GLIS1: variants seen among roughly 807,000 people sequenced by gnomAD.
The protein encoded by GLIS1 is GLIS family zinc finger 1, also known as zinc finger protein GLIS1.
GLIS1 carries 24 observed loss-of-function variants against 63.8 expected under a neutral mutation model. The ratio of observed to expected loss-of-function variants is 0.38; its 90% CI spans 0.27 to 0.53. The LOEUF (loss-of-function observed/expected upper bound fraction) is 0.53, where lower values mean the gene tolerates loss of function less well. Among genes scored for constraint, GLIS1 ranks in the 20% least tolerant of loss-of-function variants. The pLI, the probability that GLIS1 is intolerant of heterozygous loss-of-function variation, is 0.85. For missense variants in GLIS1, 1,036 were observed against 1,074.1 expected, an observed-to-expected ratio of 0.96 and a Z score of 0.50; for synonymous variants, 450 against 482.5, an observed-to-expected ratio of 0.93 and a Z score of 0.88.
chr1:53,724,925 G>A (rs1570107319), intron 2 of GLIS1, among the ~76,000 whole-genome samples: 1 of 152,176 alleles, frequency 6.6e-6, no homozygotes, highest in African/African-American at 2.4e-5. Flanking sequence ...AGGAGAAAGA[G>A]GAATAGGAGG....
chr1:53,520,536 C>T (rs1468131481), intron 7 of GLIS1, 98 bp downstream of exon 7: 1 of 1,349,242 alleles, frequency 7.4e-7, no homozygotes, highest in Non-Finnish European at 9.7e-7. Flanking sequence ...ATGTCATGCC[C>T]ATGTGGGCGG....
chr1:53,683,025 G>A (rs115705525), intron 2 of GLIS1, among the ~76,000 whole-genome samples: 1 of 152,192 alleles, frequency 6.6e-6, no homozygotes, highest in African/African-American at 2.4e-5. Flanking sequence ...GTGAGCAAAG[G>A]CTGCAGCAAA....
intron 7 of GLIS1, among the ~76,000 whole-genome samples, chr1:53,515,850 C>T (rs1178226714): frequency 6.7e-6 from 1 of 150,224 alleles, no homozygotes; most frequent in Non-Finnish European, 1.5e-5. Context: ...AAAGAATGCA[C>T]CTGACCCCTG....
chr1:53,735,319 C>A (rs1323651670), intron 2 of GLIS1, among the ~76,000 whole-genome samples: 1 of 152,228 alleles, frequency 6.6e-6, no homozygotes, highest in Non-Finnish European at 1.5e-5. Flanking sequence ...CTTGCATGGG[C>A]CCTGCACGAA....
rs527662620 is a variant in GLIS1 at position 53,633,937 on chromosome 1, C to A, written c.260-33659G>T. ...ACGAATCCACCAGTGAACAGAGAATCATGGCGGCTTCAGCCAAGAGTGGGT... is the reference window on the plus strand; with the variant it reads ...ACGAATCCACCAGTGAACAGAGAATAATGGCGGCTTCAGCCAAGAGTGGGT... On this transcript the variant is annotated intron_variant, in intron 2 of 10. Coordinates refer to ENST00000628545, the MANE Select transcript of GLIS1 (RefSeq NM_001367484.1). Among the ~76,000 whole-genome samples the A allele has an allele frequency of 2.0e-5, 3 of 152,290 alleles. No homozygotes were observed. The South Asian group carries it at 6.2e-4, about 32-fold the overall frequency.
intron 2 of GLIS1, among the ~76,000 whole-genome samples, chr1:53,678,242 G>A (rs1480402363): frequency 6.6e-6 from 1 of 151,102 alleles, no homozygotes; most frequent in African/African-American, 2.4e-5. Context: ...GCTCGCCGCA[G>A]ATGCCCAGAG....
At chr1:53,546,220 T>C (rs1374571793) in intron 4 of GLIS1, among the ~76,000 whole-genome samples, 2 of 152,134 alleles carry the variant, frequency 1.3e-5, no homozygotes, top group African/African-American at 4.8e-5. Flanking sequence ...TAGATACTGG[T>C]GACAGGCAGA....
chr1:53,551,309 CA>C (rs1374591507), intron 4 of GLIS1, among the ~76,000 whole-genome samples: 1 of 152,216 alleles, frequency 6.6e-6, no homozygotes, highest in Non-Finnish European at 1.5e-5. Flanking sequence ...CACATTTATA[CA>C]AAGAAATTTA....
At chr1:53,662,184 C>T (rs187768787) in intron 2 of GLIS1, among the ~76,000 whole-genome samples, 3 of 152,330 alleles carry the variant, frequency 2.0e-5, no homozygotes, top group Non-Finnish European at 2.9e-5. Context: ...GGGCCTCAGA[C>T]GTTCATCTGT....
At chr1:53,724,712 G>A (rs1466733316) in intron 2 of GLIS1, among the ~76,000 whole-genome samples, 1 of 152,088 alleles carries the variant, frequency 6.6e-6, no homozygotes, top group Non-Finnish European at 1.5e-5. Flanking sequence ...TAAAGACAGA[G>A]TATCACTATG....
intron 2 of GLIS1, among the ~76,000 whole-genome samples, chr1:53,710,367 T>C (rs780490268): frequency 6.6e-6 from 1 of 152,234 alleles, no homozygotes; most frequent in Non-Finnish European, 1.5e-5. Flanking sequence ...TGGTCAGACG[T>C]GTCACATCCT....
chr1:53,620,840 G>A (rs1401756776), intron 2 of GLIS1, among the ~76,000 whole-genome samples: 2 of 152,310 alleles, frequency 1.3e-5, no homozygotes, highest in Non-Finnish European at 2.9e-5. Flanking sequence ...TCCACTAAGC[G>A]ACCTTCAGCA....
chr1:53,599,696 C>T (rs1257409243), intron 3 of GLIS1, among the ~76,000 whole-genome samples: 1 of 152,236 alleles, frequency 6.6e-6, no homozygotes, highest in Non-Finnish European at 1.5e-5. Flanking sequence ...GACAGCTACC[C>T]AGCAGGGCTC....
At chr1:53,509,394 C>G in intron 9 of GLIS1, 107 bp from the exon 10 acceptor site, 3 of 1,213,698 alleles carry the variant, frequency 2.5e-6, no homozygotes, top group Non-Finnish European at 3.4e-6. Flanking sequence ...CCTGTCCAGG[C>G]ATTGTGGGTG....
Position 53,737,990 on chromosome 1 carries a change from G to A in GLIS1, c.75C>T (p.Arg25=), listed in dbSNP as rs1646929451. 6 of 1,230,450 alleles carry A rather than the reference G, an allele frequency of 4.9e-6. No individual in the cohort carries two copies. The highest frequency in any genetic ancestry group is 4.2e-5 in the Admixed American group (1 of 23,656). 76.2% of individuals were successfully genotyped at this position (1,230,450 alleles called of 1,614,324 possible). A position where few individuals can be genotyped will look rare whatever the true frequency, so the allele number is the denominator to read the frequency against. The change falls in exon 2 of 11, where the codon CGC becomes CGT. Residue 25 remains arginine, a synonymous_variant. Transcript: ENST00000628545. ...KEAPGAPGPD[R]GPASLGAHMA... ...TGTGCGCGCCGAGGCTGGCGGGGCC[G>A]CGGTCGGGGCCGGGCGCACCAGGGG...
Position 53,594,323 on chromosome 1 carries a change from G to T in GLIS1, c.1105C>A (p.Arg369=), listed in dbSNP as rs193201988. The change falls in exon 4 of 11, where the codon CGG becomes AGG. Residue 369 remains arginine (R), a synonymous_variant. Coordinates refer to ENST00000628545, the MANE Select transcript of GLIS1 (RefSeq NM_001367484.1). The stretch of plus-strand genomic sequence containing the variant: ...CAGTCCACCCAGCGGCACGCCTGCC[G>T]CCCGGCCACCACCCTGCCTGCCAGG... ...LGLAGRVVAG[R]QACRWVDCCA... The T allele has an allele frequency of 4.0e-5, 64 of 1,611,648 alleles. No homozygotes were observed. Among genetic ancestry groups the T allele is most frequent in the Middle Eastern group, 3.3e-4 (2 of 6,052 alleles).
chr1:53,679,243 C>T (rs888338693), intron 2 of GLIS1, among the ~76,000 whole-genome samples: 1 of 152,196 alleles, frequency 6.6e-6, no homozygotes, highest in African/African-American at 2.4e-5. Context: ...GCCACAAATG[C>T]CCCCAGCAGC....
At chr1:53,602,192 T>C (rs1645325661) in intron 2 of GLIS1, among the ~76,000 whole-genome samples, 1 of 152,196 alleles carries the variant, frequency 6.6e-6, no homozygotes, top group Non-Finnish European at 1.5e-5. Context: ...CTGGGTTGTT[T>C]TTTAATTAAA....
Position 53,618,969 on chromosome 1 carries a change from T to C in GLIS1, c.260-18691A>G, listed in dbSNP as rs536810366. ...CCCTAGGCTTCAGTTCCCTTTTCTGTAAAACAAACACAGTAGACTGGAGAT... is the reference window on the plus strand; with the variant it reads ...CCCTAGGCTTCAGTTCCCTTTTCTGCAAAACAAACACAGTAGACTGGAGAT... On this transcript the variant is annotated intron_variant, in intron 2 of 10. Transcript: ENST00000628545. Among the ~76,000 whole-genome samples, 22 of 152,324 alleles carry C rather than the reference T, an allele frequency of 1.4e-4. No homozygotes were observed. In the South Asian group the frequency reaches 4.6e-3, roughly 32 times the overall value.
Sources: gnomAD v4.1 joint callset for allele counts (sites outside exome capture counted in the v4.1 genomes callset) on GRCh38, gnomAD v4.1.1 for gene constraint, MANE v1.5 for transcripts, NCBI Gene and HGNC (gene_info 2026-07-23, HGNC 2026-07-21) for gene names.